The following SCIMP variants were observed in gnomAD, a reference collection of about 807,000 sequenced individuals.
The protein encoded by SCIMP is SLP adaptor and CSK interacting membrane protein, also known as SLP adapter and CSK-interacting membrane protein.
In SCIMP, 18 loss-of-function variants were observed where a neutral mutation model predicts 22.0. That is an observed-to-expected ratio of 0.82 (90% CI 0.56 to 1.21). The LOEUF is 1.21. Among genes scored for constraint, SCIMP ranks in the 50% most tolerant of loss-of-function variants. SCIMP has a pLI of 0.00. For synonymous variants in SCIMP, 53 were observed against 62.2 expected (o/e 0.85, Z 0.70); for missense variants, 155 against 171.2 (o/e 0.91, Z 0.53).
At chr17:5,219,619 C>A (rs1370588693) in intron 3 of SCIMP, among the ~76,000 whole-genome samples, 1 of 152,138 alleles carries the variant, frequency 6.6e-6, no homozygotes, top group African/African-American at 2.4e-5. Flanking sequence ...CAGACTGGGA[C>A]TCCATCTCGT....
chr17:5,230,185 G>A (rs988884992), intron 1 of SCIMP, among the ~76,000 whole-genome samples: 5 of 152,250 alleles, frequency 3.3e-5, no homozygotes, highest in South Asian at 2.1e-4. Context: ...GATGCTTAAC[G>A]TCTCCTTGCA....
chr17:5,220,828 T>C lies in SCIMP; in HGVS notation c.209+459A>G, dbSNP rs567186166. 6 of 245,866 alleles carry C rather than the reference T, an allele frequency of 2.4e-5. No individual in the cohort carries two copies. In the East Asian group the frequency reaches 6.4e-4, roughly 26 times the overall value. 15.2% of individuals were successfully genotyped at this position (245,866 alleles called of 1,614,324 possible). Reference sequence around the variant, plus strand: ...GTCCCAGCACTTTGAGAAGCCAAGGTGGGTGGATCACCTGAGGTCAGGAGT... The same window carrying C: ...GTCCCAGCACTTTGAGAAGCCAAGGCGGGTGGATCACCTGAGGTCAGGAGT... On this transcript the variant is annotated intron_variant, in intron 3 of 4. Transcript: ENST00000574081.
rs2074511737 is a variant in SCIMP, at chr17:5,209,465, T to A, written c.*1336A>T. The A allele has an allele frequency of 1.3e-5, 2 of 152,156 alleles. No homozygotes were observed. The highest frequency in any genetic ancestry group is 2.9e-5 in the Non-Finnish European group (2 of 68,062). The allele number at this position is 152,156 out of a possible 1,614,324, so 9.4% of individuals were successfully genotyped here. The stretch of plus-strand genomic sequence containing the variant: ...GAGAGAACCAGGGAGGAAGCCCAGG[T>A]CCCCAGTGCTCCAGCGTTGATTGAG... On this transcript the variant is annotated 3_prime_UTR_variant, in exon 5 of 5. Transcript: ENST00000574081.
At chr17:5,229,817 T>TC in intron 1 of SCIMP, among the ~76,000 whole-genome samples, 1 of 148,980 alleles carries the variant, frequency 6.7e-6, no homozygotes, top group African/African-American at 2.5e-5. Context: ...GGGAACAAGT[T>TC]CCCCTCCCCT....
At chr17:5,228,265 G>A (rs1274432560) in intron 1 of SCIMP, among the ~76,000 whole-genome samples, 1 of 151,752 alleles carries the variant, frequency 6.6e-6, no homozygotes, top group Non-Finnish European at 1.5e-5. Context: ...AGGATTGTTG[G>A]AGCCCAGGAA....
chr17:5,234,242 G>C (rs1455402624), intron 1 of SCIMP, among the ~76,000 whole-genome samples: 7 of 152,142 alleles, frequency 4.6e-5, no homozygotes, highest in Non-Finnish European at 2.9e-5. Context: ...CTGCACTCCA[G>C]CCTGGGCGAC....
chr17:5,231,181 G>GT (rs984327729), intron 1 of SCIMP, among the ~76,000 whole-genome samples: 1 of 152,030 alleles, frequency 6.6e-6, no homozygotes, highest in African/African-American at 2.4e-5. Context: ...CCAAGATGGT[G>GT]AAACCCCGTC....
chr17:5,221,137 ATG>A (rs1157520201), intron 3 of SCIMP, 148 bp downstream of exon 3: 4 of 722,966 alleles, frequency 5.5e-6, no homozygotes, highest in Non-Finnish European at 1.0e-5. Flanking sequence ...CTCTGCCCTT[ATG>A]TGGAGAGATT....
chr17:5,213,236 GC>G (rs1161529429), intron 4 of SCIMP: 1 of 980,092 alleles, frequency 1.0e-6, no homozygotes, highest in African/African-American at 1.8e-5. Flanking sequence ...TACTTATGCT[GC>G]CCCCTTTTTG....
Position 5,210,934 on chromosome 17 carries a change from T to A in SCIMP, c.305A>T (p.Gln102Leu), listed in dbSNP as rs2074521976. 3 of 1,612,498 alleles carry A rather than the reference T, an allele frequency of 1.9e-6. No individual in the cohort carries two copies. Among genetic ancestry groups the A allele is most frequent in the Non-Finnish European group, 1.7e-6 (2 of 1,179,602 alleles). The change falls in exon 5 of 5, where the codon CAG (glutamine) becomes CTG (leucine). Residue 102 changes from glutamine to leucine, a missense_variant. Transcript: ENST00000574081. ...TACCAGTGAGTATGTAGCGGGCGGC[T>A]GACTTGGGGCTTCCTGTGGGGCTAG... ...EDSSPQEAPS[Q>L]PPATYSLVNK...
At chr17:5,226,504 C>CTTTTTTTTTTT (rs1567842763) in intron 1 of SCIMP, among the ~76,000 whole-genome samples, 1 of 116,880 alleles carries the variant, frequency 8.6e-6, no homozygotes, top group Non-Finnish European at 2.0e-5. Flanking sequence ...TTTTTTCTTT[C>CTTTTTTTTTTT]TTTCTTTTTT....
chr17:5,227,559 A>G (rs2144339887), intron 1 of SCIMP, among the ~76,000 whole-genome samples: 1 of 152,296 alleles, frequency 6.6e-6, no homozygotes, highest in East Asian at 1.9e-4. Flanking sequence ...GAAGGGAGTG[A>G]CACTGAATAG....
At chr17:5,216,345 C>G (rs893432586) in intron 3 of SCIMP, among the ~76,000 whole-genome samples, 3 of 152,072 alleles carry the variant, frequency 2.0e-5, no homozygotes, top group Non-Finnish European at 4.4e-5. Flanking sequence ...ATAATATATA[C>G]TATATGATGC....
chr17:5,211,031 G>T, intron 4 of SCIMP, 76 bp from the exon 5 acceptor site: 1 of 1,521,494 alleles, frequency 6.6e-7, no homozygotes, highest in South Asian at 1.3e-5. Context: ...GGCTCAGCGT[G>T]ATTTTCACGT....
chr17:5,232,400 TATAAACAGTGC>T (rs1567845207), intron 1 of SCIMP, among the ~76,000 whole-genome samples: 8 of 82,010 alleles, frequency 9.8e-5, no homozygotes, highest in East Asian at 2.1e-3. Context: ...GTATAAACAG[TATAAACAGTGC>T]AAACAGTGCA....
At chr17:5,229,182 C>G (rs930667665) in intron 1 of SCIMP, among the ~76,000 whole-genome samples, 1 of 151,962 alleles carries the variant, frequency 6.6e-6, no homozygotes, top group African/African-American at 2.4e-5. Context: ...CATGAGTGAG[C>G]CTGTTGCAGT....
chr17:5,217,815 T>C (rs1163343142), intron 3 of SCIMP, among the ~76,000 whole-genome samples: 1 of 152,110 alleles, frequency 6.6e-6, no homozygotes, highest in Non-Finnish European at 1.5e-5. Context: ...TCTATCGTTG[T>C]TGGACATTTA....
intron 4 of SCIMP, chr17:5,214,220 C>A (rs1380102048): frequency 6.6e-6 from 1 of 152,240 alleles, no homozygotes. Flanking sequence ...GTAAGCACCC[C>A]AGTCTATGGT....
At chr17:5,224,022 C>T (rs1422181690) in intron 1 of SCIMP, among the ~76,000 whole-genome samples, 1 of 152,212 alleles carries the variant, frequency 6.6e-6, no homozygotes, top group Non-Finnish European at 1.5e-5. Flanking sequence ...TTTGTGAGGA[C>T]TGGAGATCGA....
Sources: allele counts gnomAD v4.1 joint callset (sites outside exome capture counted in the v4.1 genomes callset), GRCh38; gene constraint gnomAD v4.1.1; transcripts MANE v1.5; gene names NCBI Gene and HGNC (gene_info 2026-07-23, HGNC 2026-07-21).